RUVBL1: variants seen among roughly 807,000 people sequenced by gnomAD.
The protein encoded by RUVBL1 is ruvB-like 1.
A neutral mutation model predicts 52.4 loss-of-function variants in RUVBL1; 4 were observed. The observed-to-expected ratio is 0.08, with a 90% CI of 0.04 to 0.17. The LOEUF is 0.17. RUVBL1 is among the 10% of genes least tolerant of loss of function. The probability of loss-of-function intolerance (pLI) is 1.00; values close to 1 mark genes in which losing one functional copy is unlikely to be tolerated. For synonymous variants in RUVBL1, 217 were observed against 214.4 expected (o/e 1.01, Z -0.10); for missense variants, 298 against 572.8 (o/e 0.52, Z 4.90).
rs1462377011 is a variant in RUVBL1 at position 128,100,524 on chromosome 3, A to G, written c.753+71T>C. On this transcript the variant is annotated intron_variant, in intron 6 of 10. Coordinates refer to ENST00000322623, the MANE Select transcript of RUVBL1 (RefSeq NM_003707.3). ...CAAGAAAGGCAGCAAGACTCTGACA[A>G]TTCATTCCCAGATCTCCACACACAT... The G allele has an allele frequency of 1.1e-5, 17 of 1,507,590 alleles. No individual in the cohort carries two copies. In the South Asian group the frequency reaches 1.6e-4, roughly 14 times the overall value. 93.4% of individuals were successfully genotyped at this position (1,507,590 alleles called of 1,614,324 possible).
intron 4 of RUVBL1, among the ~76,000 whole-genome samples, chr3:128,103,202 C>T (rs1307324277): frequency 6.6e-6 from 1 of 152,198 alleles, no homozygotes; most frequent in Non-Finnish European, 1.5e-5. Context: ...TTACAAATAG[C>T]TGAAATTTAA....
chr3:128,110,006 G>A (rs1021993035), intron 3 of RUVBL1, among the ~76,000 whole-genome samples: 6 of 151,370 alleles, frequency 4.0e-5, no homozygotes, highest in African/African-American at 9.7e-5. Context: ...TAGTAGAGAC[G>A]GGGTTTCACC....
At chr3:128,125,101 G>T (rs964102934), upstream of RUVBL1, among the ~76,000 whole-genome samples, 1 of 126,068 alleles carries the variant, frequency 7.9e-6, no homozygotes, top group South Asian at 2.8e-4. Context: ...TGCAAGCTCC[G>T]CCTCCCGGGT....
intron 3 of RUVBL1, 36 bp downstream of exon 3, chr3:128,112,852 G>A (rs751327783): frequency 6.2e-7 from 1 of 1,606,650 alleles, no homozygotes. Flanking sequence ...TTCAGGAAGT[G>A]AGACCAACTC....
intron 9 of RUVBL1, among the ~76,000 whole-genome samples, chr3:128,087,166 A>G (rs983666832): frequency 6.6e-6 from 1 of 152,256 alleles, no homozygotes; most frequent in Non-Finnish European, 1.5e-5. Flanking sequence ...TGCTGTTTAC[A>G]GCAGACAGGC....
intron 1 of RUVBL1, 54 bp from the exon 2 acceptor site, chr3:128,119,468 G>C: frequency 6.8e-7 from 1 of 1,467,654 alleles, no homozygotes; most frequent in South Asian, 1.2e-5. Flanking sequence ...GTTTCACAAG[G>C]GGAAAAATCT....
intron 6 of RUVBL1, 78 bp downstream of exon 6, chr3:128,100,515 ACT>A: frequency 2.0e-6 from 3 of 1,485,276 alleles, no homozygotes; most frequent in Non-Finnish European, 2.7e-6. Flanking sequence ...AGGCAGCAAG[ACT>A]CTGACAATTC....
At chr3:128,119,281 A>G (rs1486591575) in intron 2 of RUVBL1, 47 bp downstream of exon 2, 2 of 1,467,200 alleles carry the variant, frequency 1.4e-6, no homozygotes, top group Non-Finnish European at 1.9e-6. Flanking sequence ...CTTAGACACT[A>G]GGATCATTCT....
At chr3:128,087,505 G>C (rs1311904814) in intron 9 of RUVBL1, among the ~76,000 whole-genome samples, 1 of 152,204 alleles carries the variant, frequency 6.6e-6, no homozygotes, top group Non-Finnish European at 1.5e-5. Flanking sequence ...GACACTTGGG[G>C]CAATGTCTAG....
chr3:128,088,935 G>C (rs1942741014), intron 8 of RUVBL1, among the ~76,000 whole-genome samples: 1 of 152,064 alleles, frequency 6.6e-6, no homozygotes, highest in African/African-American at 2.4e-5. Flanking sequence ...AGCAACTGTT[G>C]TAGTGCTTGA....
At chr3:128,107,120 A>C (rs1247715807) in intron 3 of RUVBL1, among the ~76,000 whole-genome samples, 1 of 152,200 alleles carries the variant, frequency 6.6e-6, no homozygotes, top group Non-Finnish European at 1.5e-5. Context: ...TGATGGCCTA[A>C]GTTTACGAAA....
intron 1 of RUVBL1, among the ~76,000 whole-genome samples, chr3:128,129,254 T>C (rs1410682864): frequency 2.0e-5 from 3 of 152,136 alleles, no homozygotes; most frequent in Non-Finnish European, 4.4e-5. Flanking sequence ...TTGAAATCAA[T>C]AACAGAAGGA....
At chr3:128,105,033 ACATTCCAGGGTGTCAT>A in intron 3 of RUVBL1, 109 bp from the exon 4 acceptor site, 4 of 1,229,574 alleles carry the variant, frequency 3.3e-6, no homozygotes, top group Middle Eastern at 2.7e-4. Flanking sequence ...TTAATAATGT[ACATTCCAGGGTGTCAT>A]GATGGGTAAA....
rs1942041178 is a variant in RUVBL1, at chr3:128,068,156, C to A, written c.940-2936G>T. 17 of 845,706 alleles carry A rather than the reference C, an allele frequency of 2.0e-5. No individual in the cohort carries two copies. In the South Asian group the frequency reaches 2.1e-4, roughly 10 times the overall value. The allele number at this position is 845,706 out of a possible 1,614,324, so 52.4% of individuals were successfully genotyped here. On this transcript the variant is annotated intron_variant, in intron 9 of 9. Coordinates refer to the RUVBL1 transcript ENST00000464873. ...TGATAGGCCCTAGCACTTACTGGGT[C>A]ACTAAATCTTATCCTTGGGTTACAG...
At chr3:128,152,926 C>A (rs1286908508) in intron 1 of RUVBL1, among the ~76,000 whole-genome samples, 1 of 6,112 alleles carries the variant, frequency 1.6e-4, no homozygotes, top group African/African-American at 5.6e-4. Flanking sequence ...CCCCCGCCGT[C>A]CCCCCGCCCT....
At chr3:128,146,033 C>A (rs1944098640) in intron 1 of RUVBL1, among the ~76,000 whole-genome samples, 1 of 152,038 alleles carries the variant, frequency 6.6e-6, no homozygotes, top group South Asian at 2.1e-4. Context: ...AAAGGAGAAA[C>A]TGGAGCAGGA....
rs771522589 is a variant in RUVBL1, at chr3:128,067,536, A to G, written c.940-2316T>C. The G allele has an allele frequency of 6.2e-7, 1 of 1,614,110 alleles. No homozygotes were observed. Among genetic ancestry groups the G allele is most frequent in the Admixed American group, 1.7e-5 (1 of 60,010 alleles). ...GAAGACCCGGTCCATGCAGTTGTATACATAGTGTTCATGCTGGGCTCCTGT... is the reference window on the plus strand; with the variant it reads ...GAAGACCCGGTCCATGCAGTTGTATGCATAGTGTTCATGCTGGGCTCCTGT... On this transcript the variant is annotated intron_variant, in intron 9 of 9. Transcript: ENST00000464873. This position sits in a 1 kb window ranked among gnomAD's most constrained non-coding sequence, Gnocchi z 4.1.
exon 1 of RUVBL1, chr3:128,153,612 CT>C (rs1276355462): frequency 1.3e-6 from 2 of 1,596,218 alleles, no homozygotes; most frequent in African/African-American, 1.4e-5. Flanking sequence ...CCACCGCCGC[CT>C]TTGACAAGCA....
chr3:128,149,329 C>T (rs1352907914), intron 1 of RUVBL1, among the ~76,000 whole-genome samples: 3 of 151,946 alleles, frequency 2.0e-5, no homozygotes, highest in Non-Finnish European at 4.4e-5. Context: ...GGATTACAGG[C>T]ATGCACCACC....
Sources: gnomAD v4.1 joint callset for allele counts (sites outside exome capture counted in the v4.1 genomes callset) on GRCh38, gnomAD v4.1.1 for gene constraint, Gnocchi (gnomAD v3.1) non-coding constraint, MANE v1.5 for transcripts, NCBI Gene and HGNC (gene_info 2026-07-23, HGNC 2026-07-21) for gene names.